The following THADA variants were observed in gnomAD, a reference collection of about 807,000 sequenced individuals.
THADA encodes the protein tRNA (32-2'-O)-methyltransferase regulator THADA.
Under a neutral mutation model 219.8 loss-of-function variants are expected in THADA, and 213 were observed. The ratio of observed to expected loss-of-function variants is 0.97; its 90% CI spans 0.87 to 1.09. The LOEUF (loss-of-function observed/expected upper bound fraction) is 1.09. Ranked by LOEUF, THADA falls within the 50% of genes least tolerant of loss-of-function variation. The pLI is 0.00. For synonymous variants in THADA, 1,018 were observed against 828.9 expected (o/e 1.23, Z -3.92); for missense variants, 2,956 against 2,311.3 (o/e 1.28, Z -5.72).
At chr2:43,561,161 C>G (rs1020435013) in intron 15 of THADA, among the ~76,000 whole-genome samples, 3 of 151,994 alleles carry the variant, frequency 2.0e-5, no homozygotes, top group Admixed American at 1.3e-4. Flanking sequence ...GGGAAAAGCT[C>G]AATTCATCTA....
At chr2:43,266,944 C>T (rs1425416049) in intron 36 of THADA, among the ~76,000 whole-genome samples, 1 of 152,180 alleles carries the variant, frequency 6.6e-6, no homozygotes, top group Non-Finnish European at 1.5e-5. Flanking sequence ...CCCTCCCTCC[C>T]GCCATTGCTC....
At position 43,398,259 on chromosome 2, in the gene THADA, C is replaced by A. The variant is rs2104716129; in HGVS notation, c.4059-120G>T. ...TCCAGGGGTTAGGGGGAGACAGGAG[C>A]TGCTCCTTATCCCAAATGATGTTTT... On this transcript the variant is annotated intron_variant, in intron 28 of 37. Transcript: ENST00000405975. 2.0e-5 allele frequency: 20 copies of A among 1,020,506 alleles called. No homozygotes were observed. The South Asian group carries it at 2.7e-4, about 14-fold the overall frequency. The allele number at this position is 1,020,506 out of a possible 1,614,324, so 63.2% of individuals were successfully genotyped here.
At chr2:43,565,472 A>G (rs1698557666) in intron 15 of THADA, 1 of 152,152 alleles carries the variant, frequency 6.6e-6, no homozygotes, top group Non-Finnish European at 1.5e-5. Context: ...TAGAGCATAA[A>G]TAGCTATTCA....
intron 36 of THADA, among the ~76,000 whole-genome samples, chr2:43,268,260 C>T (rs1197974034): frequency 6.6e-6 from 1 of 152,178 alleles, no homozygotes; most frequent in African/African-American, 2.4e-5. Flanking sequence ...CAGAGCACAT[C>T]TCTTGAATCC....
intron 26 of THADA, among the ~76,000 whole-genome samples, chr2:43,458,745 G>A (rs1052449757): frequency 3.9e-5 from 6 of 152,140 alleles, no homozygotes; most frequent in East Asian, 1.9e-4. Context: ...GTGCAATGCC[G>A]TAAATTCTGC....
chr2:43,551,910 C>T lies in THADA; in HGVS notation c.2826G>A (p.Val942=), dbSNP rs1422773582. Residue 942 remains valine (V), a synonymous_variant, in exon 19 of 38, where the codon GTG becomes GTA. Transcript: ENST00000405975. ...TCTCTACCACAGGTCTCCACTCGCTCACCAACTGCAGGCTGCTGCAACAAG... is the reference window on the plus strand; with the variant it reads ...TCTCTACCACAGGTCTCCACTCGCTTACCAACTGCAGGCTGCTGCAACAAG... ...QKLSLNSLQL[V]SEWRPVVEKL... 7 of 1,613,066 alleles carry T rather than the reference C, an allele frequency of 4.3e-6. No homozygotes were observed. The highest frequency in any genetic ancestry group is 2.2e-5 in the East Asian group (1 of 44,866).
intron 31 of THADA, among the ~76,000 whole-genome samples, chr2:43,319,430 G>A (rs1678437008): frequency 2.0e-5 from 3 of 152,132 alleles, no homozygotes; most frequent in South Asian, 2.1e-4. Flanking sequence ...AGTCTAGCAC[G>A]TTCTTATTAC....
intron 21 of THADA, among the ~76,000 whole-genome samples, chr2:43,534,731 G>C (rs1181280809): frequency 6.6e-6 from 1 of 152,116 alleles, no homozygotes; most frequent in Non-Finnish European, 1.5e-5. Context: ...TGGACACCCA[G>C]GTTGATTACG....
rs572313576 is a variant in THADA, at chr2:43,380,042, G to C, written c.4227+17929C>G. ...GTTTTGTGGAGATAGGAATGCTTAGGGGAACCACAGGAAAGTTTTTAGGGT... is the reference window on the plus strand; with the variant it reads ...GTTTTGTGGAGATAGGAATGCTTAGCGGAACCACAGGAAAGTTTTTAGGGT... On this transcript the variant is annotated intron_variant, in intron 29 of 37. Transcript: ENST00000405975. Among the ~76,000 whole-genome samples the C allele has an allele frequency of 4.0e-4, 61 of 152,162 alleles. 1 individual carries two copies. Among genetic ancestry groups the C allele is most frequent in the Non-Finnish European group, 1.2e-4 (8 of 68,028 alleles).
intron 17 of THADA, among the ~76,000 whole-genome samples, chr2:43,554,817 T>C (rs1037620043): frequency 6.6e-6 from 1 of 152,192 alleles, no homozygotes; most frequent in African/African-American, 2.4e-5. Flanking sequence ...CATTAGAAGA[T>C]ATTAATATAC....
chr2:43,348,714 T>A (rs895526180), intron 29 of THADA, among the ~76,000 whole-genome samples: 1 of 152,092 alleles, frequency 6.6e-6, no homozygotes, highest in Non-Finnish European at 1.5e-5. Flanking sequence ...GGGCAGCTGG[T>A]GAACAAGGGG....
At chr2:43,499,029 T>C (rs1029664219) in intron 24 of THADA, 74 bp from the exon 25 acceptor site, 10 of 1,428,616 alleles carry the variant, frequency 7.0e-6, no homozygotes, top group South Asian at 4.7e-5. Flanking sequence ...TATCCAATAG[T>C]ACAGCTTCAA....
chr2:43,584,839 C>A (rs1295673398), intron 7 of THADA, among the ~76,000 whole-genome samples: 2 of 152,086 alleles, frequency 1.3e-5, no homozygotes, highest in African/African-American at 4.8e-5. Context: ...TACCTCCGAG[C>A]CAGCAGACAA....
In THADA at chr2:43,253,459, C is replaced by T. The variant is rs139333118; in HGVS notation, c.5297-20577G>A. Among the ~76,000 whole-genome samples, 12 of 152,282 alleles carry T rather than the reference C, an allele frequency of 7.9e-5. No homozygotes were observed. The East Asian group carries it at 2.3e-3, about 29-fold the overall frequency. ...CCCACTACTGAACCTTCTCTCTCAA[C>T]TCTCACTCATGACATTTTCTCAATC... On this transcript the variant is annotated intron_variant, in intron 36 of 37. Coordinates refer to ENST00000405975, the MANE Select transcript of THADA (RefSeq NM_022065.5).
intron 22 of THADA, among the ~76,000 whole-genome samples, chr2:43,522,067 C>T (rs955560904): frequency 2.6e-5 from 4 of 152,128 alleles, no homozygotes; most frequent in Non-Finnish European, 4.4e-5. Flanking sequence ...GCTAAATTCC[C>T]ATTCAACTCC....
At position 43,493,818 on chromosome 2, in the gene THADA, T is replaced by C. The variant is rs988659996; in HGVS notation, c.3744+5015A>G. 3.3e-5 allele frequency among the ~76,000 whole-genome samples: 5 copies of C among 152,188 alleles called. No individual in the cohort carries two copies. In the East Asian group the frequency reaches 9.6e-4, roughly 29 times the overall value. ...TGTTAAAGACTATCACTTTTCCCCA[T>C]CTTTGCTGAGCCACCACCATCTTTT... On this transcript the variant is annotated intron_variant, in intron 25 of 37. Transcript: ENST00000405975.
intron 24 of THADA, among the ~76,000 whole-genome samples, chr2:43,504,909 T>C (rs1689469424): frequency 6.6e-6 from 1 of 151,902 alleles, no homozygotes; most frequent in African/African-American, 2.4e-5. Flanking sequence ...CAAAAAGGAG[T>C]GTCCTACTAT....
chr2:43,246,672 A>T (rs920030524), intron 36 of THADA, among the ~76,000 whole-genome samples: 2 of 152,250 alleles, frequency 1.3e-5, no homozygotes, highest in African/African-American at 4.8e-5. Context: ...CATGATTTTA[A>T]GATTTATAAA....
intron 14 of THADA, among the ~76,000 whole-genome samples, chr2:43,567,411 C>T (rs558218947): frequency 1.4e-4 from 21 of 152,230 alleles, no homozygotes; most frequent in African/African-American, 4.8e-4. Context: ...GGGCAGATCA[C>T]CTGAGGTCAG....
Sources: allele counts gnomAD v4.1 joint callset (sites outside exome capture counted in the v4.1 genomes callset), GRCh38; gene constraint gnomAD v4.1.1; transcripts MANE v1.5; gene names NCBI Gene and HGNC (gene_info 2026-07-23, HGNC 2026-07-21).